Variants in ITGA2B observed in about 807,000 individuals in gnomAD.
The protein encoded by ITGA2B is integrin alpha-IIb.
A neutral mutation model predicts 142.0 loss-of-function variants in ITGA2B; 91 were observed. The observed-to-expected ratio is 0.64, with a 90% CI of 0.54 to 0.76. ITGA2B has a LOEUF of 0.76. ITGA2B is among the 30% of genes least tolerant of loss of function. The probability of loss-of-function intolerance (pLI) is 0.00; values close to 1 mark genes in which losing one functional copy is unlikely to be tolerated. For synonymous variants in ITGA2B, 536 were observed against 567.2 expected (o/e 0.94, Z 0.78); for missense variants, 1,231 against 1,350.8 (o/e 0.91, Z 1.39).
In ITGA2B at chr17:44,372,373, C is replaced by A. The variant is rs561395069; in HGVS notation, c.3111G>T (p.Glu1037Asp). The change falls in exon 30 of 30, where the codon GAG becomes GAT. Residue 1037 changes from glutamate (E) to aspartate (D), a missense_variant. Coordinates refer to ENST00000262407, the MANE Select transcript of ITGA2B (RefSeq NM_000419.5). ...AGTGTAGGCTGCACCATCACTCCCC[C>A]TCTTCATCATCTTCTTCCAGGGGTG... Reference protein sequence around the residue: ...NRPPLEEDDEEGE With the variant: ...NRPPLEEDDEDGE The A allele has an allele frequency of 6.2e-7, 1 of 1,614,104 alleles. No individual in the cohort carries two copies. Among genetic ancestry groups the A allele is most frequent in the Non-Finnish European group, 8.5e-7 (1 of 1,180,010 alleles).
chr17:44,380,922 G>A lies in ITGA2B; in HGVS notation c.1350C>T (p.Phe450=). ...SPFPTGSAFG[F]SLRGAVDIDD... The stretch of plus-strand genomic sequence containing the variant: ...CGATGTCTACGGCACCTCGAAGGGA[G>A]AAGCCAAAGGCAGAGCCTGTGGGGA... Residue 450 remains phenylalanine (F), a synonymous_variant, in exon 13 of 30, where the codon TTC becomes TTT. Coordinates refer to ENST00000262407, the MANE Select transcript of ITGA2B (RefSeq NM_000419.5). 1 of 1,614,272 alleles carries A rather than the reference G, an allele frequency of 6.2e-7. No individual in the cohort carries two copies.
At chr17:44,387,288 C>T (rs748983884) in intron 1 of ITGA2B, among the ~76,000 whole-genome samples, 3 of 151,396 alleles carry the variant, frequency 2.0e-5, no homozygotes, top group South Asian at 2.1e-4. Context: ...TTTGGGAGGC[C>T]GAGGCAGGCT....
chr17:44,384,416 C>A, intron 8 of ITGA2B, 62 bp from the exon 9 acceptor site: 1 of 1,609,248 alleles, frequency 6.2e-7, no homozygotes, highest in African/African-American at 1.3e-5. Context: ...ACTTCCCGCT[C>A]CCCGTTCTGC....
At position 44,385,680 on chromosome 17, in the gene ITGA2B, T is replaced by C. The variant is rs775222286; in HGVS notation, c.445A>G (p.Lys149Glu). The C allele has an allele frequency of 6.2e-7, 1 of 1,613,674 alleles. No homozygotes were observed. Among genetic ancestry groups the C allele is most frequent in the Non-Finnish European group, 8.5e-7 (1 of 1,180,006 alleles). ...GGCGTCTTCTCAGCCTCCTCAGTCT[T>C]TTCTAGGACGTTCCAGTGCTGCCAG... Reference protein sequence around the residue: ...APWQHWNVLEKTEEAEKTPVG... With the variant: ...APWQHWNVLEETEEAEKTPVG... Residue 149 changes from lysine (K) to glutamate (E), a missense_variant, in exon 4 of 30, where the codon AAG (lysine) becomes GAG (glutamate). Physicochemically the swap from Lys to Glu is moderately conservative, Grantham distance 56 (BLOSUM62 1). Transcript: ENST00000262407.
At chr17:44,375,166 C>T (rs1251781483) in intron 26 of ITGA2B, 55 bp from the exon 27 acceptor site, 4 of 1,452,742 alleles carry the variant, frequency 2.8e-6, no homozygotes, top group Non-Finnish European at 3.8e-6. Context: ...CCCCATCATC[C>T]CCCACCCCCT....
intron 1 of ITGA2B, 48 bp from the exon 2 acceptor site, chr17:44,386,179 A>C (rs1157155586): frequency 6.5e-7 from 1 of 1,548,810 alleles, no homozygotes. Context: ...AGCGTATCCC[A>C]GGCCCTGGCG....
In ITGA2B at chr17:44,372,235, G is replaced by A. The variant is rs892193877; in HGVS notation, c.*129C>T. 14 of 888,044 alleles carry A rather than the reference G, an allele frequency of 1.6e-5. No individual in the cohort carries two copies. The highest frequency in any genetic ancestry group is 1.3e-4 in the Admixed American group (7 of 51,984). 55.0% of individuals were successfully genotyped at this position (888,044 alleles called of 1,614,324 possible). A position where few individuals can be genotyped will look rare whatever the true frequency, so the allele number is the denominator to read the frequency against. ...GGAGGGGGGGTAGCCCAGCTCTGTT[G>A]GGAGGGAAACGACACCAAGAGGACC... On this transcript the variant is annotated 3_prime_UTR_variant, in exon 30 of 30. Coordinates refer to ENST00000262407, the MANE Select transcript of ITGA2B (RefSeq NM_000419.5).
chr17:44,380,187 T>TGGCC (rs756451999), intron 16 of ITGA2B, 34 bp from the exon 17 acceptor site: 2 of 1,613,874 alleles, frequency 1.2e-6, no homozygotes, highest in Non-Finnish European at 1.7e-6. Context: ...AGGACCTCCC[T>TGGCC]GGCCAGCCTC....
chr17:44,380,582 C>G lies in ITGA2B; in HGVS notation c.1439+18G>C, dbSNP rs529038319. 1 of 1,614,122 alleles carries G rather than the reference C, an allele frequency of 6.2e-7. No homozygotes were observed. Among genetic ancestry groups the G allele is most frequent in the East Asian group, 2.2e-5 (1 of 44,904 alleles). On this transcript the variant is annotated intron_variant, in intron 14 of 29. Transcript: ENST00000262407. ...GGCACAGGACCTTCCCCATCCCGCC[C>G]CTGGAGCCAGTGCTCACCTGTACAC...
At chr17:44,386,881 T>C (rs1279207877) in intron 1 of ITGA2B, among the ~76,000 whole-genome samples, 2 of 152,234 alleles carry the variant, frequency 1.3e-5, no homozygotes, top group Non-Finnish European at 2.9e-5. Flanking sequence ...AGCCTTGATC[T>C]CCAGGGCTCA....
At chr17:44,380,845 T>C in intron 13 of ITGA2B, 34 bp downstream of exon 13, 1 of 1,613,354 alleles carries the variant, frequency 6.2e-7, no homozygotes, top group Non-Finnish European at 8.5e-7. Context: ...AGGGCCTTTC[T>C]TGGGCATTTC....
chr17:44,380,025 G>A lies in ITGA2B; in HGVS notation c.1729C>T (p.His577Tyr), dbSNP rs761298889. ...DLGGKHSPIC[H>Y]TTMAFLRDEA... Reference sequence around the variant, plus strand: ...ACTCGAAGGAAGGCCATGGTGGTGTGGCAGATGGGGCTGTGCTTTCCGCCC... The same window carrying A: ...ACTCGAAGGAAGGCCATGGTGGTGTAGCAGATGGGGCTGTGCTTTCCGCCC... Residue 577 changes from histidine (H) to tyrosine (Y), a missense_variant, in exon 17 of 30, where the codon CAC becomes TAC. Transcript: ENST00000262407. 1.1e-5 allele frequency: 18 copies of A among 1,613,600 alleles called. No individual in the cohort carries two copies. The East Asian group carries it at 4.0e-4, about 36-fold the overall frequency.
rs1263473950 is a variant in ITGA2B at position 44,385,328 on chromosome 17, G to A, written c.582C>T (p.Asp194=). 2 of 1,611,330 alleles carry A rather than the reference G, an allele frequency of 1.2e-6. No homozygotes were observed. The highest frequency in any genetic ancestry group is 1.7e-6 in the Non-Finnish European group (2 of 1,179,856). ...RIYVENDFSW[D]KRYCEAGFSS... is the part of the protein sequence containing the mutation. ...TGAAGCCCGCTTCACAGTAACGCTT[G>A]TCCCAGCCTGCAGGAGACAAGGAGG... Residue 194 remains aspartate, a synonymous_variant, in exon 5 of 30, where the codon GAC becomes GAT. Transcript: ENST00000262407.
chr17:44,387,826 C>CAAAAAAAAAAAAAAAA (rs980395817), intron 1 of ITGA2B, among the ~76,000 whole-genome samples: 4 of 24,558 alleles, frequency 1.6e-4, no homozygotes, highest in Non-Finnish European at 2.3e-4. Flanking sequence ...AACCCCATCT[C>CAAAAAAAAAAAAAAAA]AAAAAAAAAA....
At position 44,376,376 on chromosome 17, in the gene ITGA2B, C is replaced by G; in HGVS notation, c.2280G>C (p.Gln760His). 1.2e-6 allele frequency: 2 copies of G among 1,614,180 alleles called. No homozygotes were observed. The highest frequency in any genetic ancestry group is 1.7e-6 in the Non-Finnish European group (2 of 1,180,038). The change falls in exon 23 of 30, where the codon CAG (glutamine) becomes CAC (histidine). Residue 760 changes from glutamine to histidine, a missense_variant. By Grantham distance (24) the Gln-to-His change is conservative (BLOSUM62 0). Coordinates refer to ENST00000262407, the MANE Select transcript of ITGA2B (RefSeq NM_000419.5). Reference sequence around the variant, plus strand: ...GCAGCACAATCTTGCTGTTTGGATTCTGGCTGTTCTTGCTAGAGGGGAGGG... The same window carrying G: ...GCAGCACAATCTTGCTGTTTGGATTGTGGCTGTTCTTGCTAGAGGGGAGGG... ...FQLQIRSKNS[Q>H]NPNSKIVLLD...
intron 29 of ITGA2B, among the ~76,000 whole-genome samples, chr17:44,372,927 T>A (rs771493060): frequency 2.2e-4 from 33 of 152,118 alleles, no homozygotes; most frequent in Non-Finnish European, 4.0e-4. Flanking sequence ...GGCCTCTGAA[T>A]TTTTCTTTTT....
At chr17:44,387,200 G>A (rs1337974239) in intron 1 of ITGA2B, among the ~76,000 whole-genome samples, 3 of 152,104 alleles carry the variant, frequency 2.0e-5, no homozygotes, top group Non-Finnish European at 4.4e-5. Context: ...AACACCCCAC[G>A]AGCTTTGGAA....
At position 44,380,025 on chromosome 17, in the gene ITGA2B, G is replaced by T. The variant is rs761298889; in HGVS notation, c.1729C>A (p.His577Asn). 1.7e-5 allele frequency: 28 copies of T among 1,613,600 alleles called. No homozygotes were observed. Among genetic ancestry groups the T allele is most frequent in the Non-Finnish European group, 2.3e-5 (27 of 1,180,040 alleles). ...ACTCGAAGGAAGGCCATGGTGGTGT[G>T]GCAGATGGGGCTGTGCTTTCCGCCC... ...DLGGKHSPIC[H>N]TTMAFLRDEA... Residue 577 changes from histidine (H) to asparagine (N), a missense_variant, in exon 17 of 30, where the codon CAC (histidine) becomes AAC (asparagine). By Grantham distance (68) the His-to-Asn change is moderately conservative. This residue lies in a region of ITGA2B where 908 missense variants were observed against 1,021.1 expected (regional missense o/e 0.89). Transcript: ENST00000262407.
intron 12 of ITGA2B, among the ~76,000 whole-genome samples, chr17:44,382,257 T>A (rs1179730744): frequency 1.3e-5 from 2 of 152,114 alleles, no homozygotes; most frequent in Admixed American, 6.6e-5. Context: ...CTCATCTCTT[T>A]TCTGTGATCA....
Sources: gnomAD v4.1 joint callset for allele counts (sites outside exome capture counted in the v4.1 genomes callset) on GRCh38, gnomAD v4.1.1 for gene constraint, gnomAD v4.1.1 regional missense constraint, MANE v1.5 for transcripts, NCBI Gene and HGNC (gene_info 2026-07-23, HGNC 2026-07-21) for gene names.